The following PLCB2 variants were observed in gnomAD, a reference collection of about 807,000 sequenced individuals.
The protein encoded by PLCB2 is phospholipase C beta 2, also known as 1-phosphatidylinositol 4,5-bisphosphate phosphodiesterase beta-2.
A neutral mutation model predicts 141.7 loss-of-function variants in PLCB2; 115 were observed. The observed-to-expected ratio is 0.81, with a 90% CI of 0.70 to 0.95. The LOEUF is 0.95. Among genes scored for constraint, PLCB2 ranks in the 40% least tolerant of loss-of-function variants. The pLI, the probability that PLCB2 is intolerant of heterozygous loss-of-function variation, is 0.00. For missense variants in PLCB2, 1,403 were observed against 1,541.1 expected (o/e 0.91, Z 1.50); for synonymous variants, 603 against 595.6 (o/e 1.01, Z -0.18).
intron 22 of PLCB2, 83 bp downstream of exon 22, chr15:40,292,256 C>T (rs1490181184): frequency 2.0e-6 from 3 of 1,489,422 alleles, no homozygotes; most frequent in South Asian, 1.1e-5. Flanking sequence ...CATCTGGATC[C>T]CACCCCAACT....
chr15:40,293,553 C>A lies in PLCB2; in HGVS notation c.2226+7G>T, dbSNP rs749431098. 8 of 1,612,908 alleles carry A rather than the reference C, an allele frequency of 5.0e-6. No homozygotes were observed. The South Asian group carries it at 8.8e-5, about 18-fold the overall frequency. ...CAGACTCTGCCCTGCCATGCCCTGG[C>A]CCCCACCTTCTCAAAGACAAAGGGC... On this transcript the variant is annotated splice_region_variant and intron_variant, in intron 20 of 31. Coordinates refer to ENST00000260402, the MANE Select transcript of PLCB2 (RefSeq NM_004573.3).
intron 7 of PLCB2, 26 bp from the exon 8 acceptor site, chr15:40,299,254 C>T: frequency 6.9e-7 from 1 of 1,458,732 alleles, no homozygotes; most frequent in Non-Finnish European, 9.6e-7. Flanking sequence ...CCTTATTGCC[C>T]CTGCCCTCAC....
intron 14 of PLCB2, 54 bp from the exon 15 acceptor site, chr15:40,296,688 G>GCC: frequency 6.2e-7 from 1 of 1,610,558 alleles, no homozygotes; most frequent in Non-Finnish European, 8.5e-7. Context: ...TCCAGGTCCA[G>GCC]CCCCTCTCCT....
chr15:40,284,357 TCCA>T, downstream of PLCB2: 1 of 350,710 alleles, frequency 2.9e-6, no homozygotes, highest in South Asian at 2.1e-5. Flanking sequence ...TGCGAGACGT[TCCA>T]CCTCTTAAGA....
downstream of PLCB2, among the ~76,000 whole-genome samples, chr15:40,285,091 T>G (rs1396215183): frequency 2.0e-5 from 3 of 152,198 alleles, no homozygotes; most frequent in Admixed American, 6.5e-5. Flanking sequence ...CCCTGCACCC[T>G]GAACCCCTTG....
At chr15:40,306,330 T>A (rs1028361355) in intron 1 of PLCB2, among the ~76,000 whole-genome samples, 18 of 152,204 alleles carry the variant, frequency 1.2e-4, no homozygotes, top group African/African-American at 2.4e-4. Flanking sequence ...ATGCCCTACC[T>A]TGGAGAGGGG....
chr15:40,289,183 C>T, intron 31 of PLCB2, 89 bp downstream of exon 31: 1 of 1,210,974 alleles, frequency 8.3e-7, no homozygotes, highest in South Asian at 1.2e-5. Flanking sequence ...CTTCCCCTAC[C>T]CTCTCACTGG....
rs745798841 is a variant in PLCB2 at position 40,298,587 on chromosome 15, G to C, written c.972C>G (p.Asn324Lys). 13 of 1,614,132 alleles carry C rather than the reference G, an allele frequency of 8.1e-6. No homozygotes were observed. In the Admixed American group the frequency reaches 1.3e-4, roughly 17 times the overall value. The part of the protein sequence containing the change: ...MTQPLNHYFI[N>K]SSHNTYLTAG... ...CTGTCAGGTAGGTGTTGTGGGACGAGTTGATGAAGTAATGATTGAGTGGCT... is the reference window on the plus strand; with the variant it reads ...CTGTCAGGTAGGTGTTGTGGGACGACTTGATGAAGTAATGATTGAGTGGCT... The change falls in exon 10 of 32, where the codon AAC (asparagine) becomes AAG (lysine). Residue 324 changes from asparagine (N) to lysine (K), a missense_variant. Physicochemically the swap from Asn to Lys is moderately conservative, Grantham distance 94. This residue lies in a region of PLCB2 where 975 missense variants were observed against 1,141.1 expected (regional missense o/e 0.85). Coordinates refer to ENST00000260402, the MANE Select transcript of PLCB2 (RefSeq NM_004573.3).
chr15:40,286,116 CTT>C (rs1566864818), downstream of PLCB2: 9 of 884,584 alleles, frequency 1.0e-5, no homozygotes, highest in Non-Finnish European at 1.2e-5. Flanking sequence ...AAAGCTGAGA[CTT>C]TGCTGCAGAG....
At chr15:40,305,187 T>A (rs4924451) in intron 1 of PLCB2, among the ~76,000 whole-genome samples, 1 of 141,086 alleles carries the variant, frequency 7.1e-6, no homozygotes, top group African/African-American at 2.6e-5. Context: ...TTTTTTTTTT[T>A]TTTTTTTTTA....
intron 1 of PLCB2, among the ~76,000 whole-genome samples, chr15:40,306,857 G>A (rs8043348): frequency 0.053 from 8,083 of 152,308 alleles, 595 homozygotes; most frequent in African/African-American, 0.16. Flanking sequence ...TCCAGCCTAA[G>A]AGAATCCCTG....
At position 40,296,882 on chromosome 15, in the gene PLCB2, G is replaced by A. The variant is rs746558190; in HGVS notation, c.1350C>T (p.Ser450=). The change falls in exon 14 of 32, where the codon AGC becomes AGT. Residue 450 remains serine, a synonymous_variant. Transcript: ENST00000260402. Reference sequence around the variant, plus strand: ...GGATCTTGCCCCTGAGATCCTCAGGGCTGGGCAGGGGGACACCTGGTTTTA... The same window carrying A: ...GGATCTTGCCCCTGAGATCCTCAGGACTGGGCAGGGGGACACCTGGTTTTA... ...FPLKPGVPLP[S]PEDLRGKILI... The A allele has an allele frequency of 6.8e-6, 11 of 1,614,078 alleles. No individual in the cohort carries two copies. Among genetic ancestry groups the A allele is most frequent in the Non-Finnish European group, 8.5e-6 (10 of 1,179,992 alleles).
Position 40,288,021 on chromosome 15 carries a change from C to T in PLCB2, c.*694G>A, listed in dbSNP as rs548884141. ...TCAGGCAGGCAGCCTGAGAGGGGTACATGGTAGGAACTGCCTGCCCCCAGG... is the reference window on the plus strand; with the variant it reads ...TCAGGCAGGCAGCCTGAGAGGGGTATATGGTAGGAACTGCCTGCCCCCAGG... On this transcript the variant is annotated 3_prime_UTR_variant, in exon 32 of 32. Transcript: ENST00000260402. The T allele has an allele frequency of 1.0e-6, 1 of 985,424 alleles. No individual in the cohort carries two copies. Among genetic ancestry groups the T allele is most frequent in the South Asian group, 4.7e-5 (1 of 21,292 alleles). 61.0% of individuals were successfully genotyped at this position (985,424 alleles called of 1,614,324 possible).
chr15:40,288,002 A>G lies in PLCB2; in HGVS notation c.*713T>C. The stretch of plus-strand genomic sequence containing the variant: ...GCAAATGATGCTGACCTTGTCAGGC[A>G]GGCAGCCTGAGAGGGGTACATGGTA... On this transcript the variant is annotated 3_prime_UTR_variant, in exon 32 of 32. Coordinates refer to ENST00000260402, the MANE Select transcript of PLCB2 (RefSeq NM_004573.3). The G allele has an allele frequency of 2.0e-6, 2 of 983,424 alleles. No individual in the cohort carries two copies. Among genetic ancestry groups the G allele is most frequent in the South Asian group, 9.4e-5 (2 of 21,232 alleles). The allele number at this position is 983,424 out of a possible 1,614,324, so 60.9% of individuals were successfully genotyped here. A position where few individuals can be genotyped will look rare whatever the true frequency, so the allele number is the denominator to read the frequency against.
chr15:40,293,108 A>G, intron 20 of PLCB2, 83 bp from the exon 21 acceptor site: 1 of 823,304 alleles, frequency 1.2e-6, no homozygotes, highest in Non-Finnish European at 2.0e-6. Flanking sequence ...AAGTCTCAGC[A>G]TCAGTGTGAG....
In PLCB2 at chr15:40,288,647, G is replaced by A. The variant is rs1032793205; in HGVS notation, c.*68C>T. Reference sequence around the variant, plus strand: ...GAAGGCTGGGGCTCCTTTTTCCTGGGGGAATAGAACCACATCCCAGAGAAG... The same window carrying A: ...GAAGGCTGGGGCTCCTTTTTCCTGGAGGAATAGAACCACATCCCAGAGAAG... On this transcript the variant is annotated 3_prime_UTR_variant, in exon 32 of 32. Transcript: ENST00000260402. The A allele has an allele frequency of 8.3e-6, 12 of 1,454,134 alleles. No individual in the cohort carries two copies. Among genetic ancestry groups the A allele is most frequent in the South Asian group, 1.5e-5 (1 of 68,018 alleles). 90.1% of individuals were successfully genotyped at this position (1,454,134 alleles called of 1,614,324 possible). A position where few individuals can be genotyped will look rare whatever the true frequency, so the allele number is the denominator to read the frequency against.
downstream of PLCB2, among the ~76,000 whole-genome samples, chr15:40,287,346 A>G (rs1230720418): frequency 6.6e-6 from 1 of 152,130 alleles, no homozygotes; most frequent in African/African-American, 2.4e-5. Context: ...CTCACAGCTA[A>G]CGGCATGTGC....
chr15:40,289,476 G>A (rs1357275067), intron 30 of PLCB2, 118 bp from the exon 31 acceptor site: 2 of 750,178 alleles, frequency 2.7e-6, no homozygotes, highest in African/African-American at 1.7e-5. Flanking sequence ...TTAACATTAG[G>A]TAGTTTTTAA....
At position 40,302,144 on chromosome 15, in the gene PLCB2, CG is replaced by C; in HGVS notation, c.497del (p.Pro166ArgfsTer2). 6.2e-7 allele frequency: 1 copy of C among 1,611,008 alleles called. No homozygotes were observed. The highest frequency in any genetic ancestry group is 8.5e-7 in the Non-Finnish European group (1 of 1,178,026). ...KMQLNSEGKI[P>X]VKNFFQMFPA... ...GGGGTTGGGGGGCTCACTTCTTCAC[CG>C]GAATCTTCCCTTCAGAGTTGAGCTG... On this transcript the variant is annotated frameshift_variant, in exon 6 of 32. Coordinates refer to ENST00000260402, the MANE Select transcript of PLCB2 (RefSeq NM_004573.3). LOFTEE classifies it high-confidence loss of function.
Sources: allele counts gnomAD v4.1 joint callset (sites outside exome capture counted in the v4.1 genomes callset), GRCh38; gene constraint gnomAD v4.1.1; regional missense constraint gnomAD v4.1.1; transcripts MANE v1.5; gene names NCBI Gene and HGNC (gene_info 2026-07-23, HGNC 2026-07-21).